SPRR4: variants seen among roughly 807,000 people sequenced by gnomAD.
SPRR4 encodes small proline rich protein 4.
For missense variants in SPRR4, 106 were observed against 91.6 expected, an observed-to-expected ratio of 1.16 and a Z score of -0.64; for synonymous variants, 30 against 34.3, an observed-to-expected ratio of 0.87 and a Z score of 0.44.
intron 1 of SPRR4, among the ~76,000 whole-genome samples, chr1:152,971,480 T>G (rs74131177): frequency 6.6e-6 from 1 of 151,980 alleles, no homozygotes; most frequent in Admixed American, 6.6e-5. Flanking sequence ...TGTAGCCACA[T>G]AGGACTTGCC....
At chr1:152,971,662 C>T (rs951072806) in intron 1 of SPRR4, among the ~76,000 whole-genome samples, 1 of 151,778 alleles carries the variant, frequency 6.6e-6, no homozygotes, top group Non-Finnish European at 1.5e-5. Flanking sequence ...CTGTTTTTGT[C>T]CTCTCCTCAT....
intron 1 of SPRR4, 79 bp from the exon 2 acceptor site, chr1:152,971,792 T>C: frequency 1.3e-6 from 2 of 1,535,432 alleles, no homozygotes; most frequent in Non-Finnish European, 1.8e-6. Context: ...GGCTACTTTT[T>C]AACCATCTTT....
upstream of SPRR4, among the ~76,000 whole-genome samples, chr1:152,969,920 A>T (rs1379760484): frequency 2.4e-4 from 36 of 152,156 alleles, no homozygotes; most frequent in Admixed American, 2.4e-3. Context: ...AGATGGGGAC[A>T]GCACCGCCGT....
intron 1 of SPRR4, 44 bp from the exon 2 acceptor site, chr1:152,971,827 T>C (rs937492041): frequency 1.9e-5 from 30 of 1,586,262 alleles, no homozygotes; most frequent in Non-Finnish European, 2.1e-5. Flanking sequence ...AAAAGGCTAC[T>C]TTTTAACACC....
Position 152,971,273 on chromosome 1 carries a change from CT to C in SPRR4, c.-21+580del. 1.3e-5 allele frequency among the ~76,000 whole-genome samples: 2 copies of C among 152,270 alleles called. 1 individual carries two copies. The highest frequency in any genetic ancestry group is 4.1e-4 in the South Asian group (2 of 4,824). On this transcript the variant is annotated intron_variant, in intron 1 of 1. Coordinates refer to ENST00000328051, the MANE Select transcript of SPRR4 (RefSeq NM_173080.3). ...AGGGAACTTCCTGACCAGCATCCTT[CT>C]AATAAGGGTGCTGAGACCCACAGAA...
chr1:152,971,878 T>C lies in SPRR4; in HGVS notation c.-13T>C, dbSNP rs768036841. ...CTGCCCGGTTTCCTTTAGGCTCACCTGTTCCTAGAGCAATGTCTTCCCAGC... is the reference window on the plus strand; with the variant it reads ...CTGCCCGGTTTCCTTTAGGCTCACCCGTTCCTAGAGCAATGTCTTCCCAGC... On this transcript the variant is annotated 5_prime_UTR_variant, in exon 2 of 2. Coordinates refer to ENST00000328051, the MANE Select transcript of SPRR4 (RefSeq NM_173080.3). The C allele has an allele frequency of 3.1e-6, 5 of 1,613,916 alleles. No homozygotes were observed. The East Asian group carries it at 8.9e-5, about 29-fold the overall frequency.
chr1:152,972,446 G>A lies in SPRR4; in HGVS notation c.*316G>A. On this transcript the variant is annotated 3_prime_UTR_variant, in exon 2 of 2. Transcript: ENST00000328051. ...TGAGGAAAGTGTCTGGGCTTCTTCT[G>A]GGGTTCCACCCTGACAAGTAGGGTC... 2.6e-6 allele frequency: 1 copy of A among 382,232 alleles called. No homozygotes were observed. Among genetic ancestry groups the A allele is most frequent in the Non-Finnish European group, 5.0e-6 (1 of 198,208 alleles). 23.7% of individuals were successfully genotyped at this position (382,232 alleles called of 1,614,324 possible). A position where few individuals can be genotyped will look rare whatever the true frequency, so the allele number is the denominator to read the frequency against.
At chr1:152,970,812 C>T (rs1467281464) in intron 1 of SPRR4, 118 bp downstream of exon 1, 1 of 152,230 alleles carries the variant, frequency 6.6e-6, no homozygotes, top group African/African-American at 2.4e-5. Context: ...GGAAGTGACA[C>T]AAGTCTTCTG....
At chr1:152,970,877 G>A (rs41263656) in intron 1 of SPRR4, among the ~76,000 whole-genome samples, 183 bp downstream of exon 1, 1,671 of 152,208 alleles carry the variant, frequency 0.011, 41 homozygotes, top group East Asian at 0.058. Flanking sequence ...TCTCCATTCC[G>A]CACCATTGCT....
upstream of SPRR4, among the ~76,000 whole-genome samples, chr1:152,969,749 T>C (rs559152303): frequency 6.6e-6 from 1 of 152,378 alleles, no homozygotes; most frequent in South Asian, 2.1e-4. Flanking sequence ...TTTCCTGCAA[T>C]ATTTGGAATA....
chr1:152,970,023 A>C (rs1400272376), upstream of SPRR4, among the ~76,000 whole-genome samples: 2 of 152,222 alleles, frequency 1.3e-5, no homozygotes, highest in South Asian at 4.1e-4. Flanking sequence ...TAGGAAGGAC[A>C]CTTGCACTGT....
At position 152,972,010 on chromosome 1, in the gene SPRR4, C is replaced by G; in HGVS notation, c.120C>G (p.Pro40=). The change falls in exon 2 of 2, where the codon CCC becomes CCG. Residue 40 remains proline, a synonymous_variant. Transcript: ENST00000328051. ...PPVKCQETCA[P]KTKDPCAPQV... is the part of the protein sequence containing the mutation. The stretch of plus-strand genomic sequence containing the variant: ...TTAAATGTCAAGAGACATGTGCACC[C>G]AAAACCAAGGATCCATGTGCTCCCC... The G allele has an allele frequency of 6.2e-7, 1 of 1,614,046 alleles. No individual in the cohort carries two copies.
chr1:152,969,631 G>A (rs191342037), upstream of SPRR4, among the ~76,000 whole-genome samples: 146 of 152,244 alleles, frequency 9.6e-4, 1 homozygote, highest in African/African-American at 3.2e-3. Context: ...GCTCCTTCCT[G>A]CCACCTAGAT....
upstream of SPRR4, among the ~76,000 whole-genome samples, chr1:152,969,653 T>A (rs1022649354): frequency 4.6e-5 from 7 of 152,054 alleles, no homozygotes; most frequent in African/African-American, 1.4e-4. Flanking sequence ...AGGCCCTGAG[T>A]AGGATTGCTG....
Position 152,971,951 on chromosome 1 carries a change from C to A in SPRR4, c.61C>A (p.Gln21Lys). ...QQCPPQRAQQ[Q>K]QVKQPCQPPP... is the part of the protein sequence containing the mutation. ...GTGCCCACCCCAGAGGGCCCAGCAGCAGCAAGTGAAGCAGCCTTGTCAGCC... is the reference window on the plus strand; with the variant it reads ...GTGCCCACCCCAGAGGGCCCAGCAGAAGCAAGTGAAGCAGCCTTGTCAGCC... Residue 21 changes from glutamine (Q) to lysine (K), a missense_variant, in exon 2 of 2, where the codon CAG (glutamine) becomes AAG (lysine). By Grantham distance (53) the Gln-to-Lys change is moderately conservative (BLOSUM62 1). Transcript: ENST00000328051. 1 of 1,614,128 alleles carries A rather than the reference C, an allele frequency of 6.2e-7. No individual in the cohort carries two copies. Among genetic ancestry groups the A allele is most frequent in the Non-Finnish European group, 8.5e-7 (1 of 1,180,022 alleles).
Position 152,972,269 on chromosome 1 carries a change from T to C in SPRR4, c.*139T>C. On this transcript the variant is annotated 3_prime_UTR_variant, in exon 2 of 2. Coordinates refer to ENST00000328051, the MANE Select transcript of SPRR4 (RefSeq NM_173080.3). ...CTGCCCAAGATGTAAGGAAGCATTG[T>C]AAGGATTTCTTCCCATCGTACCCTT... The C allele has an allele frequency of 7.3e-7, 1 of 1,370,170 alleles. No individual in the cohort carries two copies. The highest frequency in any genetic ancestry group is 9.9e-7 in the Non-Finnish European group (1 of 1,010,090). The allele number at this position is 1,370,170 out of a possible 1,614,324, so 84.9% of individuals were successfully genotyped here.
At chr1:152,970,012 A>C (rs1651785263), upstream of SPRR4, among the ~76,000 whole-genome samples, 1 of 152,176 alleles carries the variant, frequency 6.6e-6, no homozygotes, top group Admixed American at 6.5e-5. Context: ...TCCCCCTGGA[A>C]TAGGAAGGAC....
chr1:152,972,109 C>A lies in SPRR4; in HGVS notation c.219C>A (p.Ala73=). ...AQQKCPSAQQ[A]SKSKQK ...AGAAGTGTCCCTCAGCCCAGCAAGCCTCCAAGAGCAAACAGAAGTAAGGAT... is the reference window on the plus strand; with the variant it reads ...AGAAGTGTCCCTCAGCCCAGCAAGCATCCAAGAGCAAACAGAAGTAAGGAT... The change falls in exon 2 of 2, where the codon GCC becomes GCA. Residue 73 remains alanine, a synonymous_variant. Coordinates refer to ENST00000328051, the MANE Select transcript of SPRR4 (RefSeq NM_173080.3). The A allele has an allele frequency of 6.2e-7, 1 of 1,614,074 alleles. No individual in the cohort carries two copies. Among genetic ancestry groups the A allele is most frequent in the African/African-American group, 1.3e-5 (1 of 75,032 alleles).
chr1:152,971,578 TCACACACACA>T (rs57593504), intron 1 of SPRR4, among the ~76,000 whole-genome samples: 12 of 144,140 alleles, frequency 8.3e-5, no homozygotes, highest in South Asian at 2.2e-4. Context: ...GCCCGATCTC[TCACACACACA>T]CACACACACA....
Sources: gnomAD v4.1 joint callset for allele counts (sites outside exome capture counted in the v4.1 genomes callset) on GRCh38, gnomAD v4.1.1 for gene constraint, MANE v1.5 for transcripts, NCBI Gene and HGNC (gene_info 2026-07-23, HGNC 2026-07-21) for gene names.